SPAG16: variants seen among roughly 807,000 people sequenced by gnomAD.
SPAG16 encodes the protein sperm-associated antigen 16 protein.
Under a neutral mutation model 80.4 loss-of-function variants are expected in SPAG16, and 86 were observed. The observed-to-expected ratio is 1.07, with a 90% CI of 0.90 to 1.28. The LOEUF (loss-of-function observed/expected upper bound fraction) is 1.28. Ranked by LOEUF, SPAG16 falls within the 50% of genes most tolerant of loss-of-function variation. The pLI, the probability that SPAG16 is intolerant of heterozygous loss-of-function variation, is 0.00. For missense variants in SPAG16, 870 were observed against 765.3 expected (o/e 1.14, Z -1.61); for synonymous variants, 294 against 265.9 (o/e 1.11, Z -1.03).
chr2:213,303,362 G>C (rs1575129248), intron 3 of SPAG16, among the ~76,000 whole-genome samples: 1 of 151,516 alleles, frequency 6.6e-6, no homozygotes, highest in Non-Finnish European at 1.5e-5. Flanking sequence ...AGGGTAAATG[G>C]GGTTCTATCA....
chr2:213,814,872 AAT>A (rs34269015), intron 10 of SPAG16, among the ~76,000 whole-genome samples: 87 of 148,042 alleles, frequency 5.9e-4, no homozygotes, highest in Non-Finnish European at 6.1e-4. Flanking sequence ...AACAGCCTTA[AAT>A]ATATATATAT....
intron 10 of SPAG16, among the ~76,000 whole-genome samples, chr2:213,622,342 A>C (rs1056424062): frequency 2.6e-5 from 4 of 152,168 alleles, no homozygotes; most frequent in Admixed American, 6.5e-5. Context: ...CAGACAATGA[A>C]ATACTGAACC....
intron 9 of SPAG16, among the ~76,000 whole-genome samples, chr2:213,450,744 A>G (rs993867061): frequency 9.2e-5 from 14 of 152,186 alleles, no homozygotes; most frequent in Non-Finnish European, 1.3e-4. Flanking sequence ...GTTCACATTA[A>G]ATACAATTTA....
intron 10 of SPAG16, among the ~76,000 whole-genome samples, chr2:213,512,657 A>T (rs1359924827): frequency 6.6e-6 from 1 of 152,212 alleles, no homozygotes; most frequent in Admixed American, 6.5e-5. Context: ...AGCACTGTGC[A>T]GGTCAGATTG....
intron 15 of SPAG16, among the ~76,000 whole-genome samples, chr2:214,213,738 TTG>T (rs769292144): frequency 6.6e-6 from 1 of 152,124 alleles, no homozygotes; most frequent in Non-Finnish European, 1.5e-5. Flanking sequence ...AAAAAAGAAC[TTG>T]TGTGATAACT....
At chr2:214,355,337 A>G (rs1458280336) in intron 15 of SPAG16, among the ~76,000 whole-genome samples, 3 of 100,904 alleles carry the variant, frequency 3.0e-5, no homozygotes, top group African/African-American at 3.1e-5. Flanking sequence ...AAAAAAAAAA[A>G]CAACCCCATC....
At chr2:214,290,987 G>T (rs575597959) in intron 15 of SPAG16, among the ~76,000 whole-genome samples, 9 of 152,234 alleles carry the variant, frequency 5.9e-5, no homozygotes, top group African/African-American at 2.2e-4. Context: ...TTGTATTGAA[G>T]TGTACCTCTC....
At chr2:213,329,815 GA>G (rs2064008783) in intron 5 of SPAG16, among the ~76,000 whole-genome samples, 1 of 152,138 alleles carries the variant, frequency 6.6e-6, no homozygotes, top group Non-Finnish European at 1.5e-5. Context: ...GGCTTAGGAG[GA>G]AAAAATAGTT....
intron 9 of SPAG16, among the ~76,000 whole-genome samples, chr2:213,440,473 T>C (rs993043397): frequency 6.6e-6 from 1 of 152,164 alleles, no homozygotes; most frequent in African/African-American, 2.4e-5. Context: ...GAGAATGGTG[T>C]GAACCCAGGA....
At chr2:214,323,318 T>C (rs566402238) in intron 15 of SPAG16, among the ~76,000 whole-genome samples, 52 of 84,188 alleles carry the variant, frequency 6.2e-4, no homozygotes, top group African/African-American at 2.2e-3. Context: ...ACTTGTGAGA[T>C]TAAATATATA....
At chr2:213,674,044 C>T (rs2063930561) in intron 10 of SPAG16, among the ~76,000 whole-genome samples, 1 of 152,020 alleles carries the variant, frequency 6.6e-6, no homozygotes, top group Non-Finnish European at 1.5e-5. Flanking sequence ...AAAAGATACT[C>T]ATATTACTTG....
chr2:213,545,976 C>G (rs1302220173), intron 10 of SPAG16, among the ~76,000 whole-genome samples: 3 of 152,048 alleles, frequency 2.0e-5, no homozygotes, highest in Non-Finnish European at 4.4e-5. Flanking sequence ...GGTCACTACT[C>G]TTTTTTTAGA....
chr2:213,578,091 A>G (rs889813754), intron 10 of SPAG16, among the ~76,000 whole-genome samples: 1 of 151,860 alleles, frequency 6.6e-6, no homozygotes, highest in Non-Finnish European at 1.5e-5. Context: ...TGTATGTTTT[A>G]AAACATCAAA....
intron 12 of SPAG16, among the ~76,000 whole-genome samples, chr2:214,001,940 TCA>T (rs2046807452): frequency 6.6e-6 from 1 of 152,222 alleles, no homozygotes; most frequent in Non-Finnish European, 1.5e-5. Context: ...TTTAATGGAC[TCA>T]CAGTTCCATG....
intron 13 of SPAG16, among the ~76,000 whole-genome samples, chr2:214,037,205 G>A (rs1349682575): frequency 6.7e-6 from 1 of 148,694 alleles, no homozygotes; most frequent in African/African-American, 2.5e-5. Context: ...GAGATAGATA[G>A]TATGTATACT....
At chr2:214,234,315 T>A (rs1688924839) in intron 15 of SPAG16, among the ~76,000 whole-genome samples, 1 of 152,180 alleles carries the variant, frequency 6.6e-6, no homozygotes, top group Non-Finnish European at 1.5e-5. Flanking sequence ...TGATTCCATG[T>A]CTTTGCTATT....
At chr2:214,272,514 TCC>T (rs1692110874) in intron 15 of SPAG16, among the ~76,000 whole-genome samples, 1 of 152,150 alleles carries the variant, frequency 6.6e-6, no homozygotes, top group South Asian at 2.1e-4. Flanking sequence ...ATTGTTCAAT[TCC>T]CACCTATGAG....
At chr2:214,048,571 G>T (rs143235392) in intron 13 of SPAG16, among the ~76,000 whole-genome samples, 1 of 151,868 alleles carries the variant, frequency 6.6e-6, no homozygotes, top group African/African-American at 2.4e-5. Flanking sequence ...GGTAGTAGAC[G>T]GGTGGCGGGG....
At chr2:213,473,849 G>A (rs1220560263) in intron 9 of SPAG16, among the ~76,000 whole-genome samples, 1 of 152,136 alleles carries the variant, frequency 6.6e-6, no homozygotes, top group Admixed American at 6.5e-5. Flanking sequence ...CCTCCTCGTG[G>A]TCACACTCTC....
Sources: allele counts gnomAD v4.1 joint callset (sites outside exome capture counted in the v4.1 genomes callset), GRCh38; gene constraint gnomAD v4.1.1; transcripts MANE v1.5; gene names NCBI Gene and HGNC (gene_info 2026-07-23, HGNC 2026-07-21).